Variants in DYRK4 observed in about 807,000 individuals in gnomAD.
DYRK4 encodes dual specificity tyrosine-phosphorylation-regulated kinase 4.
Under a neutral mutation model 68.3 loss-of-function variants are expected in DYRK4, and 64 were observed. The observed-to-expected ratio is 0.94, with a 90% CI of 0.77 to 1.15. The LOEUF is 1.15. Among genes scored for constraint, DYRK4 ranks in the 50% most tolerant of loss-of-function variants. The pLI is 0.00. For synonymous variants in DYRK4, 274 were observed against 289.9 expected (o/e 0.95, Z 0.56); for missense variants, 740 against 764.7 (o/e 0.97, Z 0.38).
chr12:4,612,308 G>C (rs932390184), intron 13 of DYRK4, among the ~76,000 whole-genome samples: 2 of 152,180 alleles, frequency 1.3e-5, no homozygotes, highest in Non-Finnish European at 2.9e-5. Flanking sequence ...AATGCTGGAA[G>C]ACTTGGACTG....
At chr12:4,605,832 A>G (rs887689503) in intron 11 of DYRK4, among the ~76,000 whole-genome samples, 2 of 145,584 alleles carry the variant, frequency 1.4e-5, no homozygotes, top group Non-Finnish European at 3.0e-5. Flanking sequence ...TGTGATTCCA[A>G]TTGCTTGGTG....
At chr12:4,588,502 G>T (rs1944920061) in intron 2 of DYRK4, among the ~76,000 whole-genome samples, 1 of 152,144 alleles carries the variant, frequency 6.6e-6, no homozygotes, top group African/African-American at 2.4e-5. Context: ...GTCCAGGCTG[G>T]GTGCCTGTGT....
At chr12:4,593,300 A>ATTTCCTTG in intron 6 of DYRK4, 135 bp downstream of exon 6, 1 of 994,042 alleles carries the variant, frequency 1.0e-6, no homozygotes, top group Non-Finnish European at 1.4e-6. Context: ...GTATTCTGGT[A>ATTTCCTTG]GTGCCAAACC....
Position 4,593,287 on chromosome 12 carries a change from G to A in DYRK4, c.627+122G>A, listed in dbSNP as rs551663306. Reference sequence around the variant, plus strand: ...TGATACGTTGGAGACTAGATATCCTGAAGTATTCTGGTAGTGCCAAACCAA... The same window carrying A: ...TGATACGTTGGAGACTAGATATCCTAAAGTATTCTGGTAGTGCCAAACCAA... On this transcript the variant is annotated intron_variant, in intron 6 of 14. Coordinates refer to ENST00000543431, the MANE Select transcript of DYRK4 (RefSeq NM_001394779.1). 16 of 1,142,730 alleles carry A rather than the reference G, an allele frequency of 1.4e-5. No individual in the cohort carries two copies. In the East Asian group the frequency reaches 3.3e-4, roughly 24 times the overall value. 70.8% of individuals were successfully genotyped at this position (1,142,730 alleles called of 1,614,324 possible).
In DYRK4 at chr12:4,613,844, A is replaced by T. The variant is rs1591812364; in HGVS notation, c.*91A>T. The T allele has an allele frequency of 5.9e-6, 8 of 1,354,478 alleles. No individual in the cohort carries two copies. The East Asian group carries it at 2.0e-4, about 34-fold the overall frequency. The allele number at this position is 1,354,478 out of a possible 1,614,324, so 83.9% of individuals were successfully genotyped here. ...TACAATACTTCAGACTGTTTTTTTTAAATACATAAAACTTTATGTTAAAAA... is the reference window on the plus strand; with the variant it reads ...TACAATACTTCAGACTGTTTTTTTTTAATACATAAAACTTTATGTTAAAAA... On this transcript the variant is annotated 3_prime_UTR_variant, in exon 15 of 15. Transcript: ENST00000543431. The surrounding 1 kb of genome is among the most constrained non-coding windows in gnomAD (Gnocchi z 4.0).
chr12:4,573,002 G>A (rs1419905741), intron 2 of DYRK4: 1 of 286,384 alleles, frequency 3.5e-6, no homozygotes, highest in Non-Finnish European at 6.8e-6. Flanking sequence ...ATTTGGTGTT[G>A]GGCAAAGGAA....
chr12:4,583,227 C>T (rs950600109), intron 2 of DYRK4, among the ~76,000 whole-genome samples: 8 of 152,270 alleles, frequency 5.3e-5, no homozygotes, highest in Middle Eastern at 3.4e-3. Context: ...AAGCAATTCT[C>T]ATTCCTCAGC....
chr12:4,566,138 G>A (rs10444478), intron 1 of DYRK4, among the ~76,000 whole-genome samples: 3,751 of 152,216 alleles, frequency 0.025, 60 homozygotes, highest in South Asian at 0.078. Flanking sequence ...TCAGTGCCTT[G>A]GTTGAGGCTC....
Position 4,612,708 on chromosome 12 carries a change from G to A in DYRK4, c.1656G>A (p.Ser552=), listed in dbSNP as rs773900942. Reference sequence around the variant, plus strand: ...ACAAGGTTCAAGGCTGTCATCACTCGAGCAGAAAAGGTACAGCCTGTCAAA... The same window carrying A: ...ACAAGGTTCAAGGCTGTCATCACTCAAGCAGAAAAGGTACAGCCTGTCAAA... ...RKDKVQGCHH[S]SRKDEITKET... The change falls in exon 14 of 15, where the codon TCG becomes TCA. Residue 552 remains serine, a synonymous_variant. Coordinates refer to ENST00000543431, the MANE Select transcript of DYRK4 (RefSeq NM_001394779.1). 25 of 1,614,102 alleles carry A rather than the reference G, an allele frequency of 1.5e-5. No homozygotes were observed. Among genetic ancestry groups the A allele is most frequent in the African/African-American group, 1.1e-4 (8 of 75,024 alleles).
chr12:4,571,898 A>T (rs1038562160), intron 2 of DYRK4, among the ~76,000 whole-genome samples: 9 of 152,132 alleles, frequency 5.9e-5, no homozygotes, highest in Non-Finnish European at 1.2e-4. Flanking sequence ...CTCAGTGCCA[A>T]CTCCCCAGAA....
chr12:4,574,182 G>A (rs946571763), intron 2 of DYRK4, among the ~76,000 whole-genome samples: 14 of 147,238 alleles, frequency 9.5e-5, no homozygotes, highest in South Asian at 4.3e-4. Context: ...CCGAGATCGC[G>A]CCACTGCACC....
In DYRK4 at chr12:4,562,215, C is replaced by A. The variant is rs1944632813; in HGVS notation, c.-31C>A. 1.3e-6 allele frequency: 2 copies of A among 1,524,598 alleles called. No individual in the cohort carries two copies. The highest frequency in any genetic ancestry group is 2.0e-5 in the Admixed American group (1 of 49,478). 94.4% of individuals were successfully genotyped at this position (1,524,598 alleles called of 1,614,324 possible). The stretch of plus-strand genomic sequence containing the variant: ...GCCCTCTGCCGGGCTCTCACAGCCT[C>A]CCGCAGCGGCGGGCGGTCAGCGCCG... On this transcript the variant is annotated 5_prime_UTR_variant, in exon 1 of 15. Transcript: ENST00000543431.
intron 1 of DYRK4, among the ~76,000 whole-genome samples, chr12:4,565,443 G>C (rs543875096): frequency 2.5e-4 from 38 of 152,234 alleles, no homozygotes; most frequent in African/African-American, 8.4e-4. Context: ...TTTTGCAGAT[G>C]AGGAAATAGC....
At chr12:4,606,990 T>C (rs576697050) in intron 11 of DYRK4, among the ~76,000 whole-genome samples, 1 of 152,350 alleles carries the variant, frequency 6.6e-6, no homozygotes, top group South Asian at 2.1e-4. Flanking sequence ...GTGGGATATA[T>C]CATTCTTTAA....
chr12:4,612,282 T>C (rs940267192), intron 13 of DYRK4, among the ~76,000 whole-genome samples: 6 of 152,230 alleles, frequency 3.9e-5, no homozygotes, highest in African/African-American at 7.2e-5. Flanking sequence ...ATATTTCTTA[T>C]AAGGAAATTT....
At chr12:4,582,527 C>T (rs1208411047) in intron 2 of DYRK4, among the ~76,000 whole-genome samples, 1 of 152,092 alleles carries the variant, frequency 6.6e-6, no homozygotes, top group Non-Finnish European at 1.5e-5. Flanking sequence ...GTAAAACAAC[C>T]TTGTCTAACA....
Position 4,613,168 on chromosome 12 carries a change from A to G in DYRK4, c.1667-347A>G, listed in dbSNP as rs923030938. Among the ~76,000 whole-genome samples, 16 of 152,192 alleles carry G rather than the reference A, an allele frequency of 1.1e-4. No individual in the cohort carries two copies. Among genetic ancestry groups the G allele is most frequent in the South Asian group, 2.1e-4 (1 of 4,834 alleles). ...GGCATTATGCAAATTTTTATATGCA[A>G]TATAGCCTAGTGGTTAGGTACATGG... On this transcript the variant is annotated intron_variant, in intron 14 of 14. Transcript: ENST00000543431. This position sits in a 1 kb window ranked among gnomAD's most constrained non-coding sequence, Gnocchi z 4.0.
chr12:4,582,793 A>G (rs778980438), intron 2 of DYRK4, among the ~76,000 whole-genome samples: 1 of 152,174 alleles, frequency 6.6e-6, no homozygotes, highest in Non-Finnish European at 1.5e-5. Flanking sequence ...GAAAATGGCA[A>G]GACTTGCAGT....
chr12:4,607,117 A>C (rs1945161294), intron 11 of DYRK4, among the ~76,000 whole-genome samples: 1 of 152,218 alleles, frequency 6.6e-6, no homozygotes, highest in African/African-American at 2.4e-5. Context: ...TAACATGGCC[A>C]GTGTTGATTC....
Sources: gnomAD v4.1 joint callset for allele counts (sites outside exome capture counted in the v4.1 genomes callset) on GRCh38, gnomAD v4.1.1 for gene constraint, Gnocchi (gnomAD v3.1) non-coding constraint, MANE v1.5 for transcripts, NCBI Gene and HGNC (gene_info 2026-07-23, HGNC 2026-07-21) for gene names.